PNRC1: variants seen among roughly 807,000 people sequenced by gnomAD.
PNRC1 encodes the protein proline-rich nuclear receptor coactivator 1.
A neutral mutation model predicts 20.2 loss-of-function variants in PNRC1; 6 were observed. That is an observed-to-expected ratio of 0.30 (90% CI 0.16 to 0.59). PNRC1 has a LOEUF of 0.59. Among genes scored for constraint, PNRC1 ranks in the 20% least tolerant of loss-of-function variants. PNRC1 has a pLI of 0.89. For synonymous variants in PNRC1, 202 were observed against 186.9 expected (o/e 1.08, Z -0.66); for missense variants, 488 against 430.2 (o/e 1.13, Z -1.19).
Position 89,080,831 on chromosome 6 carries a change from C to T in PNRC1, c.-64C>T. On this transcript the variant is annotated 5_prime_UTR_variant, in exon 1 of 2. Transcript: ENST00000336032. ...GCAGCATCCATCGCCGCCACCCTAT[C>T]TTCACTGGCTTCATTCACCTTCTCC... 1 of 1,453,448 alleles carries T rather than the reference C, an allele frequency of 6.9e-7. No individual in the cohort carries two copies. Among genetic ancestry groups the T allele is most frequent in the Admixed American group, 2.0e-5 (1 of 51,242 alleles). 90.0% of individuals were successfully genotyped at this position (1,453,448 alleles called of 1,614,324 possible). A position where few individuals can be genotyped will look rare whatever the true frequency, so the allele number is the denominator to read the frequency against.
chr6:89,085,157 C>G lies in PNRC1; in HGVS notation c.*961C>G, dbSNP rs1219104229. On this transcript the variant is annotated 3_prime_UTR_variant, in exon 2 of 2. Transcript: ENST00000336032. ...AAAGGCCAAGAGAAAGTAAGGGAGACAGATTTTGAGTGGGAATGTTAAGCA... is the reference window on the plus strand; with the variant it reads ...AAAGGCCAAGAGAAAGTAAGGGAGAGAGATTTTGAGTGGGAATGTTAAGCA... 1.3e-5 allele frequency: 2 copies of G among 152,112 alleles called. No individual in the cohort carries two copies. Among genetic ancestry groups the G allele is most frequent in the Non-Finnish European group, 2.9e-5 (2 of 68,024 alleles). The allele number at this position is 152,112 out of a possible 1,614,324, so 9.4% of individuals were successfully genotyped here. A position where few individuals can be genotyped will look rare whatever the true frequency, so the allele number is the denominator to read the frequency against.
In PNRC1 at chr6:89,081,016, C is replaced by T. The variant is rs946884142; in HGVS notation, c.122C>T (p.Pro41Leu). 3 of 1,612,334 alleles carry T rather than the reference C, an allele frequency of 1.9e-6. No individual in the cohort carries two copies. The highest frequency in any genetic ancestry group is 2.5e-6 in the Non-Finnish European group (3 of 1,179,926). Residue 41 changes from proline to leucine, a missense_variant, in exon 1 of 2, where the codon CCT becomes CTT. Physicochemically the swap from Pro to Leu is moderately conservative, Grantham distance 98 (BLOSUM62 -3). Transcript: ENST00000336032. The part of the protein sequence containing the change: ...ALPMVTTAPP[P>L]LPRIPDPRAL... ...CCGATGGTGACCACGGCTCCGCCTC[C>T]TTTACCCCGGATCCCGGACCCCCGG...
chr6:89,081,828 A>G (rs1273635067), intron 1 of PNRC1: 1 of 154,756 alleles, frequency 6.5e-6, no homozygotes, highest in Non-Finnish European at 1.4e-5. Context: ...TCCGGCGCCC[A>G]TGAAGGAGGC....
At chr6:89,081,482 C>A in intron 1 of PNRC1, 48 bp downstream of exon 1, 9 of 903,182 alleles carry the variant, frequency 1.0e-5, no homozygotes, top group Non-Finnish European at 1.2e-5. Flanking sequence ...TAGACGGTCG[C>A]GGCCGAGCTC....
rs1767960398 is a variant in PNRC1, at chr6:89,080,795, A to G, written c.-100A>G. ...CCGAGTCATGTTCCGCGATCTTCTCAGGCTCTCCTAGCAGCATCCATCGCC... is the reference window on the plus strand; with the variant it reads ...CCGAGTCATGTTCCGCGATCTTCTCGGGCTCTCCTAGCAGCATCCATCGCC... On this transcript the variant is annotated 5_prime_UTR_variant, in exon 1 of 2. Coordinates refer to ENST00000336032, the MANE Select transcript of PNRC1 (RefSeq NM_006813.3). 1.7e-6 allele frequency: 2 copies of G among 1,144,258 alleles called. No individual in the cohort carries two copies. Among genetic ancestry groups the G allele is most frequent in the Admixed American group, 3.9e-5 (2 of 50,806 alleles). The allele number at this position is 1,144,258 out of a possible 1,614,324, so 70.9% of individuals were successfully genotyped here.
chr6:89,082,628 A>G (rs771263051), intron 1 of PNRC1: 1 of 152,184 alleles, frequency 6.6e-6, no homozygotes, highest in African/African-American at 2.4e-5. Flanking sequence ...TGTCTTGCTT[A>G]CTACCGCGTT....
At position 89,081,674 on chromosome 6, in the gene PNRC1, G is replaced by T. The variant is rs575987673; in HGVS notation, c.540+240G>T. 3.1e-3 allele frequency among the ~76,000 whole-genome samples: 470 copies of T among 152,174 alleles called. 7 individuals are homozygous for T. The highest frequency in any genetic ancestry group is 0.017 in the South Asian group (81 of 4,834). ...GCTCCCAGGAGTCGGCCAATGAGAA[G>T]CGCCGCTGCGCCCCAGCAACAGCCC... is the stretch of plus-strand genomic sequence containing the variant. On this transcript the variant is annotated intron_variant, in intron 1 of 1. Transcript: ENST00000336032.
Position 89,084,316 on chromosome 6 carries a change from TA to T in PNRC1, c.*126del, listed in dbSNP as rs975910598. On this transcript the variant is annotated 3_prime_UTR_variant, in exon 2 of 2. Coordinates refer to ENST00000336032, the MANE Select transcript of PNRC1 (RefSeq NM_006813.3). The stretch of plus-strand genomic sequence containing the variant: ...AACATACAATTGCAAAAGATGAGTT[TA>T]AAAAATTACATACAAACAGCTTGTA... 3 of 634,294 alleles carry T rather than the reference TA, an allele frequency of 4.7e-6. No homozygotes were observed. The highest frequency in any genetic ancestry group is 3.7e-5 in the African/African-American group (2 of 54,122). The allele number at this position is 634,294 out of a possible 1,614,324, so 39.3% of individuals were successfully genotyped here. A position where few individuals can be genotyped will look rare whatever the true frequency, so the allele number is the denominator to read the frequency against.
At position 89,080,989 on chromosome 6, in the gene PNRC1, T is replaced by A. The variant is rs779847527; in HGVS notation, c.95T>A (p.Leu32His). ...GFSSRGYFGA[L>H]PMVTTAPPPL... The stretch of plus-strand genomic sequence containing the variant: ...TCCTCCCGAGGTTACTTTGGGGCCC[T>A]CCCGATGGTGACCACGGCTCCGCCT... The change falls in exon 1 of 2, where the codon CTC (leucine) becomes CAC (histidine). Residue 32 changes from leucine to histidine, a missense_variant. Coordinates refer to ENST00000336032, the MANE Select transcript of PNRC1 (RefSeq NM_006813.3). 9 of 1,612,296 alleles carry A rather than the reference T, an allele frequency of 5.6e-6. No homozygotes were observed. The highest frequency in any genetic ancestry group is 7.6e-6 in the Non-Finnish European group (9 of 1,179,314).
At chr6:89,081,548 G>GCC in intron 1 of PNRC1, 114 bp downstream of exon 1, 1 of 276,302 alleles carries the variant, frequency 3.6e-6, no homozygotes, top group Non-Finnish European at 6.5e-6. Flanking sequence ...GGGTGGGGGG[G>GCC]GCGGCTGTTT....
intron 1 of PNRC1, among the ~76,000 whole-genome samples, chr6:89,083,357 A>T (rs918498126): frequency 6.6e-6 from 1 of 152,202 alleles, no homozygotes; most frequent in African/African-American, 2.4e-5. Flanking sequence ...GGTTTGCTAC[A>T]TGGGTATATT....
intron 1 of PNRC1, among the ~76,000 whole-genome samples, chr6:89,082,947 A>G (rs776675863): frequency 7.9e-5 from 12 of 151,748 alleles, no homozygotes; most frequent in Non-Finnish European, 1.5e-4. Flanking sequence ...GATTAACTGC[A>G]TTTTTAGTGG....
rs1241422390 is a variant in PNRC1, at chr6:89,084,972, A to AT, written c.*780dup. On this transcript the variant is annotated 3_prime_UTR_variant, in exon 2 of 2. Transcript: ENST00000336032. ...GCCGCCATGCCTGGCCATAATCTAC[A>AT]TTTTCTTACCAGGAGCAGCATTGAG... 1 of 152,088 alleles carries AT rather than the reference A, an allele frequency of 6.6e-6. No individual in the cohort carries two copies. The highest frequency in any genetic ancestry group is 3.1e-3 in the Middle Eastern group (1 of 318). 9.4% of individuals were successfully genotyped at this position (152,088 alleles called of 1,614,324 possible). A position where few individuals can be genotyped will look rare whatever the true frequency, so the allele number is the denominator to read the frequency against.
chr6:89,082,439 T>C (rs995692606), intron 1 of PNRC1: 12 of 152,244 alleles, frequency 7.9e-5, no homozygotes, highest in African/African-American at 2.9e-4. Flanking sequence ...GCCCACCTTG[T>C]TTCTTTAAAT....
intron 1 of PNRC1, 59 bp downstream of exon 1, chr6:89,081,493 TG>T (rs2127985466): frequency 1.6e-6 from 1 of 629,408 alleles, no homozygotes. Flanking sequence ...GGCCGAGCTC[TG>T]GGGCTGCAGA....
intron 1 of PNRC1, 43 bp from the exon 2 acceptor site, chr6:89,083,710 T>G: frequency 7.0e-7 from 1 of 1,436,040 alleles, no homozygotes; most frequent in Non-Finnish European, 9.5e-7. Flanking sequence ...TAACTGATTT[T>G]TATCTAGAAA....
rs528808461 is a variant in PNRC1 at position 89,083,737 on chromosome 6, G to A, written c.541-16G>A. The A allele has an allele frequency of 3.9e-6, 6 of 1,549,406 alleles. No individual in the cohort carries two copies. The African/African-American group carries it at 6.9e-5, about 18-fold the overall frequency. On this transcript the variant is annotated splice_polypyrimidine_tract_variant and intron_variant, in intron 1 of 1. Coordinates refer to ENST00000336032, the MANE Select transcript of PNRC1 (RefSeq NM_006813.3). Reference sequence around the variant, plus strand: ...ATCTAGAAACTATATTTACTTTTGTGTTCTTGTCTTTGTAGGTTTTAAAAT... The same window carrying A: ...ATCTAGAAACTATATTTACTTTTGTATTCTTGTCTTTGTAGGTTTTAAAAT...
chr6:89,083,836 A>G lies in PNRC1; in HGVS notation c.624A>G (p.Gln208=). 1 of 1,614,132 alleles carries G rather than the reference A, an allele frequency of 6.2e-7. No individual in the cohort carries two copies. Among genetic ancestry groups the G allele is most frequent in the Non-Finnish European group, 8.5e-7 (1 of 1,179,988 alleles). The change falls in exon 2 of 2, where the codon CAA becomes CAG. Residue 208 remains glutamine, a synonymous_variant. Coordinates refer to ENST00000336032, the MANE Select transcript of PNRC1 (RefSeq NM_006813.3). ...TTCATGGTATACACTTGTATGAGCAACCAAAGATAAACAGACAGAAAAGCA... is the reference window on the plus strand; with the variant it reads ...TTCATGGTATACACTTGTATGAGCAGCCAAAGATAAACAGACAGAAAAGCA... The part of the protein sequence containing the change: ...QLVHGIHLYE[Q]PKINRQKSKY...
Position 89,084,068 on chromosome 6 carries a change from G to T in PNRC1, c.856G>T (p.Asp286Tyr). ...AAATTATGCTGGGGCAAAGTTTAGT[G>T]ATCCACCTTCTCCTAGTGTTCTTCC... The part of the protein sequence containing the change: ...KENYAGAKFS[D>Y]PPSPSVLPKP... Residue 286 changes from aspartate (D) to tyrosine (Y), a missense_variant, in exon 2 of 2, where the codon GAT becomes TAT. By Grantham distance (160) the Asp-to-Tyr change is radical. Coordinates refer to ENST00000336032, the MANE Select transcript of PNRC1 (RefSeq NM_006813.3). The T allele has an allele frequency of 1.9e-6, 3 of 1,614,168 alleles. No individual in the cohort carries two copies. The highest frequency in any genetic ancestry group is 2.5e-6 in the Non-Finnish European group (3 of 1,180,006).
Sources: allele counts gnomAD v4.1 joint callset (sites outside exome capture counted in the v4.1 genomes callset), GRCh38; gene constraint gnomAD v4.1.1; transcripts MANE v1.5; gene names NCBI Gene and HGNC (gene_info 2026-07-23, HGNC 2026-07-21).